MAGI1: variants seen among roughly 807,000 people sequenced by gnomAD.
MAGI1 encodes the protein membrane-associated guanylate kinase, WW and PDZ domain-containing protein 1.
In MAGI1, 58 loss-of-function variants were observed where a neutral mutation model predicts 139.9. That is an observed-to-expected ratio of 0.41 (90% CI 0.34 to 0.52). The LOEUF (loss-of-function observed/expected upper bound fraction) is 0.52, where lower values mean the gene tolerates loss of function less well. Ranked by LOEUF, MAGI1 falls within the 20% of genes least tolerant of loss-of-function variation. The pLI is 0.12. For missense variants in MAGI1, 1,874 were observed against 1,901.6 expected (o/e 0.99, Z 0.27); for synonymous variants, 812 against 737.9 (o/e 1.10, Z -1.63).
At chr3:66,036,288 A>G (rs2068913906) in intron 1 of MAGI1, among the ~76,000 whole-genome samples, 1 of 152,212 alleles carries the variant, frequency 6.6e-6, no homozygotes, top group African/African-American at 2.4e-5. Flanking sequence ...AGCTTATGTA[A>G]TACCCACAGG....
At position 65,440,015 on chromosome 3, in the gene MAGI1, G is replaced by T. The variant is rs1948153943; in HGVS notation, c.1137-3C>A. ...ATTGTGTCTTCCTGTTGATGTGGCT[G>T]GGGAAGATAGCAAATAGTATTCAGC... On this transcript the variant is annotated splice_region_variant and splice_polypyrimidine_tract_variant and intron_variant, in intron 8 of 22. Transcript: ENST00000402939. 3 of 1,613,768 alleles carry T rather than the reference G, an allele frequency of 1.9e-6. No individual in the cohort carries two copies. In the African/African-American group the frequency reaches 4.0e-5, roughly 22 times the overall value.
rs79069220 is a variant in MAGI1, at chr3:65,990,464, T to C, written c.313+47532A>G. Among the ~76,000 whole-genome samples, 1,306 of 152,316 alleles carry C rather than the reference T, an allele frequency of 8.6e-3. 16 individuals carry two copies. Among genetic ancestry groups the C allele is most frequent in the African/African-American group, 0.03 (1,251 of 41,558 alleles). On this transcript the variant is annotated intron_variant, in intron 1 of 22. Coordinates refer to ENST00000402939, the MANE Select transcript of MAGI1 (RefSeq NM_001033057.2). ...GAGACTCTCCTTGTTTAGCCGAAGC[T>C]TCTAACACCAGATGAGCATAGCTGT...
chr3:66,017,135 C>A (rs370728869), intron 1 of MAGI1, among the ~76,000 whole-genome samples: 1 of 152,174 alleles, frequency 6.6e-6, no homozygotes. Flanking sequence ...TGTTATGTTA[C>A]GTATATTTTA....
chr3:65,803,052 A>G (rs1234224018), intron 1 of MAGI1, among the ~76,000 whole-genome samples: 1 of 152,122 alleles, frequency 6.6e-6, no homozygotes, highest in East Asian at 1.9e-4. Flanking sequence ...ATATGGCCTT[A>G]TTTTAATAAC....
At chr3:65,775,584 G>A (rs988768355) in intron 1 of MAGI1, among the ~76,000 whole-genome samples, 2 of 146,864 alleles carry the variant, frequency 1.4e-5, no homozygotes, top group African/African-American at 2.5e-5. Context: ...CAAAAAATGT[G>A]CAGTTACATA....
intron 2 of MAGI1, among the ~76,000 whole-genome samples, chr3:65,537,057 G>A (rs564157295): frequency 3.3e-5 from 5 of 152,190 alleles, no homozygotes; most frequent in African/African-American, 7.2e-5. Context: ...GAAGTGTTAC[G>A]GGGGATTGCA....
At chr3:65,954,851 A>C (rs1560051457) in intron 1 of MAGI1, among the ~76,000 whole-genome samples, 1 of 152,182 alleles carries the variant, frequency 6.6e-6, no homozygotes, top group Non-Finnish European at 1.5e-5. Flanking sequence ...GGCACTGAGG[A>C]AGTGCCAGGT....
Position 65,453,244 on chromosome 3 carries a change from G to GGGT in MAGI1, c.1042+13_1042+14insACC. On this transcript the variant is annotated intron_variant, in intron 6 of 22. Transcript: ENST00000402939. ...CCCCAATTCACTTAACCCAAGACCT[G>GGGT]CCTGGCCCCTTACCATCATCTTCAC... The GGGT allele has an allele frequency of 6.2e-7, 1 of 1,613,076 alleles. No individual in the cohort carries two copies. The highest frequency in any genetic ancestry group is 8.5e-7 in the Non-Finnish European group (1 of 1,179,356).
intron 1 of MAGI1, among the ~76,000 whole-genome samples, chr3:65,964,532 G>T (rs1256617073): frequency 6.6e-6 from 1 of 152,030 alleles, no homozygotes; most frequent in East Asian, 1.9e-4. Flanking sequence ...GTAGTGCGGG[G>T]GCGGGGGGAA....
At chr3:65,773,558 G>A (rs2038129365) in intron 1 of MAGI1, among the ~76,000 whole-genome samples, 1 of 152,030 alleles carries the variant, frequency 6.6e-6, no homozygotes, top group South Asian at 2.1e-4. Flanking sequence ...AAGAGTGGGG[G>A]TGGGATCACT....
intron 2 of MAGI1, among the ~76,000 whole-genome samples, chr3:65,509,759 G>A (rs543021851): frequency 1.3e-5 from 2 of 152,064 alleles, no homozygotes; most frequent in African/African-American, 4.8e-5. Flanking sequence ...GCTTGCTTAG[G>A]TAAACAAAGC....
At chr3:65,746,048 T>C (rs1249698703) in intron 1 of MAGI1, among the ~76,000 whole-genome samples, 1 of 151,792 alleles carries the variant, frequency 6.6e-6, no homozygotes, top group Non-Finnish European at 1.5e-5. Context: ...AATTCTTTTC[T>C]TTTTTTAGAT....
chr3:65,753,704 A>G (rs1399857769), intron 1 of MAGI1, among the ~76,000 whole-genome samples: 1 of 151,944 alleles, frequency 6.6e-6, no homozygotes, highest in African/African-American at 2.4e-5. Flanking sequence ...TCTCAAAAAA[A>G]AAAAAAAAAA....
rs78696431 is a variant in MAGI1, at chr3:65,429,527, T to C, written c.2160A>G (p.Gln720=). The change falls in exon 12 of 23, where the codon CAA becomes CAG. Residue 720 remains glutamine, a synonymous_variant. Transcript: ENST00000402939. ...CAAAACAACCCTACTTACCTCCTCG[T>C]TGCACCAACAATGTGACCTCACTTC... The part of the protein sequence containing the change: ...PKGSEVTLLV[Q]RGGLPVPKKS... The C allele has an allele frequency of 8.4e-4, 1,354 of 1,608,362 alleles. 9 individuals are homozygous for C. The African/African-American group carries it at 0.016, about 19-fold the overall frequency.
At chr3:65,357,634 G>A (rs1048880165) in intron 22 of MAGI1, among the ~76,000 whole-genome samples, 3 of 152,132 alleles carry the variant, frequency 2.0e-5, no homozygotes, top group Non-Finnish European at 2.9e-5. Context: ...AAGCTTTCTG[G>A]AGCAGGGCAG....
At chr3:65,631,234 C>T (rs1457945399) in intron 1 of MAGI1, among the ~76,000 whole-genome samples, 2 of 152,096 alleles carry the variant, frequency 1.3e-5, no homozygotes, top group Non-Finnish European at 2.9e-5. Flanking sequence ...GCAATGGAGT[C>T]AAAAAGGAAT....
intron 1 of MAGI1, among the ~76,000 whole-genome samples, chr3:65,972,550 G>A (rs563317108): frequency 1.3e-5 from 2 of 152,192 alleles, no homozygotes; most frequent in Non-Finnish European, 2.9e-5. Flanking sequence ...TACTCGGCCA[G>A]AGCCATTTCA....
intron 1 of MAGI1, among the ~76,000 whole-genome samples, chr3:65,917,001 G>T (rs775765578): frequency 1.3e-5 from 2 of 152,116 alleles, no homozygotes; most frequent in Non-Finnish European, 2.9e-5. Context: ...GGACTGCCAG[G>T]TGTTTTCTTA....
chr3:65,950,346 A>G (rs1421156940), intron 1 of MAGI1, among the ~76,000 whole-genome samples: 2 of 152,074 alleles, frequency 1.3e-5, no homozygotes, highest in East Asian at 1.9e-4. Flanking sequence ...GGTTCTTTGA[A>G]GCCTCAAAGA....
Sources: allele counts gnomAD v4.1 joint callset (sites outside exome capture counted in the v4.1 genomes callset), GRCh38; gene constraint gnomAD v4.1.1; transcripts MANE v1.5; gene names NCBI Gene and HGNC (gene_info 2026-07-23, HGNC 2026-07-21).